The following WLS variants were observed in gnomAD, a reference collection of about 807,000 sequenced individuals.
The protein encoded by WLS is protein wntless homolog.
WLS carries 23 observed loss-of-function variants against 62.8 expected under a neutral mutation model. The observed-to-expected ratio is 0.37, with a 90% CI of 0.26 to 0.52. The LOEUF (loss-of-function observed/expected upper bound fraction) is 0.52, where lower values mean the gene tolerates loss of function less well. WLS is among the 20% of genes least tolerant of loss of function. The pLI is 0.92. For missense variants in WLS, 615 were observed against 697.3 expected (o/e 0.88, Z 1.33); for synonymous variants, 246 against 244.1 (o/e 1.01, Z -0.07).
chr1:68,147,537 C>T (rs1039069558), intron 8 of WLS, among the ~76,000 whole-genome samples: 4 of 152,154 alleles, frequency 2.6e-5, no homozygotes, highest in Admixed American at 6.5e-5. Context: ...CATACTATTC[C>T]GGAAGATAAA....
intron 1 of WLS, among the ~76,000 whole-genome samples, chr1:68,205,660 T>C (rs1241312260): frequency 6.6e-6 from 1 of 152,234 alleles, no homozygotes; most frequent in African/African-American, 2.4e-5. Context: ...ACAAAATGTG[T>C]CTTCTTAAGA....
chr1:68,202,976 ATCT>A (rs1472249613), intron 1 of WLS: 3 of 152,206 alleles, frequency 2.0e-5, no homozygotes, highest in Non-Finnish European at 2.9e-5. Flanking sequence ...CCAAAATTAA[ATCT>A]TCTAGAAGAA....
intron 10 of WLS, chr1:68,141,315 G>A (rs1570877400): frequency 6.6e-6 from 1 of 152,174 alleles, no homozygotes. Flanking sequence ...TGACCTGAAT[G>A]TCAGGCACCT....
At position 68,126,145 on chromosome 1, in the gene WLS, G is replaced by T; in HGVS notation, c.*81C>A. ...GCCATGAGGCATTCATTTGTACATT[G>T]AGCTCTCTCTGGCATGCTCCCCACT... On this transcript the variant is annotated 3_prime_UTR_variant, in exon 12 of 12. Coordinates refer to ENST00000262348, the MANE Select transcript of WLS (RefSeq NM_024911.7). 2 of 1,564,572 alleles carry T rather than the reference G, an allele frequency of 1.3e-6. No individual in the cohort carries two copies. Among genetic ancestry groups the T allele is most frequent in the South Asian group, 1.2e-5 (1 of 83,166 alleles).
At chr1:68,187,524 C>T (rs181452121) in intron 2 of WLS, among the ~76,000 whole-genome samples, 4 of 151,980 alleles carry the variant, frequency 2.6e-5, no homozygotes, top group Admixed American at 2.6e-4. Context: ...TAAAGCTTTG[C>T]CAACATGGGC....
chr1:68,232,168 A>G (rs769952909), intron 1 of WLS, 26 bp downstream of exon 1: 6 of 1,613,196 alleles, frequency 3.7e-6, no homozygotes, highest in East Asian at 2.2e-5. Context: ...AGAAAGGGGG[A>G]AAAGTTTGCA....
chr1:68,212,979 C>G (rs1377701950), intron 1 of WLS, among the ~76,000 whole-genome samples: 1 of 152,176 alleles, frequency 6.6e-6, no homozygotes, highest in Non-Finnish European at 1.5e-5. Flanking sequence ...CCTTAATGAT[C>G]ATCTAAAATA....
intron 1 of WLS, among the ~76,000 whole-genome samples, chr1:68,206,980 G>T (rs547103106): frequency 6.6e-6 from 1 of 152,262 alleles, no homozygotes; most frequent in African/African-American, 2.4e-5. Flanking sequence ...TAGAAGAACA[G>T]ATCTTAATGG....
At chr1:68,130,377 T>C (rs1271662786) in intron 11 of WLS, among the ~76,000 whole-genome samples, 1 of 152,148 alleles carries the variant, frequency 6.6e-6, no homozygotes, top group Non-Finnish European at 1.5e-5. Context: ...GGAGCTCCCA[T>C]ACCATGAGTT....
chr1:68,212,078 C>T (rs1649537763), intron 1 of WLS, among the ~76,000 whole-genome samples: 3 of 152,156 alleles, frequency 2.0e-5, no homozygotes. Flanking sequence ...CTTTCCTTCC[C>T]CCTTTTTTGA....
intron 11 of WLS, among the ~76,000 whole-genome samples, chr1:68,134,343 A>G (rs1646574503): frequency 6.6e-6 from 1 of 152,216 alleles, no homozygotes; most frequent in South Asian, 2.1e-4. Flanking sequence ...CAAATGCACA[A>G]GGTCACAGCA....
intron 1 of WLS, among the ~76,000 whole-genome samples, chr1:68,221,572 A>G (rs1361517906): frequency 6.6e-6 from 1 of 152,226 alleles, no homozygotes; most frequent in African/African-American, 2.4e-5. Context: ...GCAAATTACA[A>G]CCTAAATAAG....
chr1:68,159,859 G>A (rs1261834833), intron 2 of WLS, among the ~76,000 whole-genome samples: 1 of 152,166 alleles, frequency 6.6e-6, no homozygotes, highest in East Asian at 1.9e-4. Context: ...AAAAGGCAAA[G>A]TGTTTTTCCA....
At chr1:68,148,413 C>A in intron 7 of WLS, 150 bp downstream of exon 7, 1 of 919,990 alleles carries the variant, frequency 1.1e-6, no homozygotes, top group Non-Finnish European at 1.7e-6. Flanking sequence ...GATTTGATCC[C>A]AGACCTTGTC....
At chr1:68,181,536 T>C (rs538227020) in intron 2 of WLS, among the ~76,000 whole-genome samples, 115 of 152,316 alleles carry the variant, frequency 7.6e-4, no homozygotes, top group Non-Finnish European at 3.1e-4. Context: ...TTTTAAAAAA[T>C]TGAAAATATA....
intron 2 of WLS, among the ~76,000 whole-genome samples, chr1:68,177,861 A>T (rs1384445399): frequency 4.6e-5 from 7 of 152,320 alleles, no homozygotes; most frequent in Non-Finnish European, 2.9e-5. Context: ...CCTCACATAC[A>T]CTATTCTAGT....
At chr1:68,127,025 T>TA (rs373548601) in intron 11 of WLS, 4,805 of 319,708 alleles carry the variant, frequency 0.015, 5 homozygotes, top group South Asian at 0.021. Flanking sequence ...ACCCTGACTC[T>TA]AAAAAAAAAA....
chr1:68,180,097 C>T lies in WLS; in HGVS notation c.379+13858G>A, dbSNP rs191308377. 8.6e-5 allele frequency among the ~76,000 whole-genome samples: 13 copies of T among 151,910 alleles called. No homozygotes were observed. The East Asian group carries it at 1.2e-3, about 14-fold the overall frequency. ...AAGACAAGCAACAGCATCTCTAGTG[C>T]GATGGTACTTTGCAAAGAAAGCACT... On this transcript the variant is annotated intron_variant, in intron 2 of 11. Coordinates refer to ENST00000262348, the MANE Select transcript of WLS (RefSeq NM_024911.7).
At chr1:68,146,117 A>C in intron 8 of WLS, 105 bp from the exon 9 acceptor site, 1 of 1,327,486 alleles carries the variant, frequency 7.5e-7, no homozygotes, top group Non-Finnish European at 1.0e-6. Context: ...TTGTCTCCAA[A>C]TATGTAGAAA....
Sources: gnomAD v4.1 joint callset for allele counts (sites outside exome capture counted in the v4.1 genomes callset) on GRCh38, gnomAD v4.1.1 for gene constraint, MANE v1.5 for transcripts, NCBI Gene and HGNC (gene_info 2026-07-23, HGNC 2026-07-21) for gene names.